The following CNGB1 variants were observed in gnomAD, a reference collection of about 807,000 sequenced individuals.
CNGB1 encodes the protein cyclic nucleotide gated channel subunit beta 1, also known as cyclic nucleotide-gated channel beta-1.
A neutral mutation model predicts 151.7 loss-of-function variants in CNGB1; 126 were observed. That is an observed-to-expected ratio of 0.83 (90% confidence interval 0.72 to 0.96). CNGB1 has a LOEUF of 0.96. CNGB1 is among the 40% of genes least tolerant of loss of function. The pLI, the probability that CNGB1 is intolerant of heterozygous loss-of-function variation, is 0.00. For missense variants in CNGB1, 1,698 were observed against 1,627.0 expected, an observed-to-expected ratio of 1.04 and a Z score of -0.75; for synonymous variants, 623 against 635.1, an observed-to-expected ratio of 0.98 and a Z score of 0.29.
At chr16:57,962,774 G>T (rs769489967) in intron 6 of CNGB1, 68 bp downstream of exon 6, 7 of 1,598,488 alleles carry the variant, frequency 4.4e-6, no homozygotes, top group Non-Finnish European at 6.0e-6. Flanking sequence ...AAGGGGCAGG[G>T]CCCATCCCAG....
intron 13 of CNGB1, 65 bp downstream of exon 13, chr16:57,950,316 G>C (rs1013932974): frequency 5.2e-5 from 83 of 1,580,982 alleles, no homozygotes; most frequent in Non-Finnish European, 6.8e-5. Flanking sequence ...TTGAGATAAG[G>C]TACTGCATGC....
At chr16:57,894,984 C>T (rs1960184251) in intron 31 of CNGB1, among the ~76,000 whole-genome samples, 1 of 152,144 alleles carries the variant, frequency 6.6e-6, no homozygotes, top group African/African-American at 2.4e-5. Context: ...CATATATACT[C>T]GGGCTAAACA....
intron 19 of CNGB1, 36 bp from the exon 20 acceptor site, chr16:57,919,290 C>T (rs200414821): frequency 6.2e-7 from 1 of 1,613,814 alleles, no homozygotes; most frequent in African/African-American, 1.3e-5. Context: ...TGAACCAGCC[C>T]TGAGGCCCAG....
intron 11 of CNGB1, among the ~76,000 whole-genome samples, chr16:57,957,944 C>T (rs1173850483): frequency 6.6e-6 from 1 of 152,150 alleles, no homozygotes; most frequent in East Asian, 1.9e-4. Flanking sequence ...GCCAGGTTCC[C>T]GGTTCTTGAG....
At position 57,931,773 on chromosome 16, in the gene CNGB1, G is replaced by A. The variant is rs148555948; in HGVS notation, c.1478C>T (p.Pro493Leu). ...AAGGGTGTCTGATTTGGCAGGAGACGGTGGCGGCAACACGGTTGAGGGTGG... is the reference window on the plus strand; with the variant it reads ...AAGGGTGTCTGATTTGGCAGGAGACAGTGGCGGCAACACGGTTGAGGGTGG... ...ENPPSTVLPP[P>L]SPAKSDTLIV... The change falls in exon 17 of 33, where the codon CCG becomes CTG. Residue 493 changes from proline (P) to leucine (L), a missense_variant. Physicochemically the swap from Pro to Leu is moderately conservative, Grantham distance 98. Coordinates refer to ENST00000251102, the MANE Select transcript of CNGB1 (RefSeq NM_001297.5). 75 of 1,614,170 alleles carry A rather than the reference G, an allele frequency of 4.6e-5. No individual in the cohort carries two copies. In the East Asian group the frequency reaches 5.6e-4, roughly 12 times the overall value.
At chr16:57,889,037 T>C (rs928178323) in intron 31 of CNGB1, among the ~76,000 whole-genome samples, 1 of 152,016 alleles carries the variant, frequency 6.6e-6, no homozygotes, top group Non-Finnish European at 1.5e-5. Context: ...TGAGGATGGG[T>C]GGGGTACGTG....
chr16:57,893,580 C>T (rs1567363745), intron 31 of CNGB1, among the ~76,000 whole-genome samples: 1 of 152,104 alleles, frequency 6.6e-6, no homozygotes, highest in Non-Finnish European at 1.5e-5. Flanking sequence ...GGCAGATCGC[C>T]TGAGGTCAGA....
At chr16:57,912,248 A>G (rs1960737378) in intron 24 of CNGB1, among the ~76,000 whole-genome samples, 1 of 152,154 alleles carries the variant, frequency 6.6e-6, no homozygotes, top group South Asian at 2.1e-4. Flanking sequence ...CTTGCACCTC[A>G]TGCTCAGACA....
In CNGB1 at chr16:57,959,999, G is replaced by A; in HGVS notation, c.650C>T (p.Thr217Ile). Reference sequence around the variant, plus strand: ...CTCCTTGGGCTGCAGGGGGATGGGTGTGGGCAGGGAGGGGGTCTCCCGGGC... The same window carrying A: ...CTCCTTGGGCTGCAGGGGGATGGGTATGGGCAGGGAGGGGGTCTCCCGGGC... Reference protein sequence around the residue: ...LQARETPSLPTPIPLQPKEEP... With the variant: ...LQARETPSLPIPIPLQPKEEP... Residue 217 changes from threonine to isoleucine, a missense_variant, in exon 10 of 33, where the codon ACA becomes ATA. Thr to Ile is a moderately conservative substitution (Grantham distance 89). Coordinates refer to ENST00000251102, the MANE Select transcript of CNGB1 (RefSeq NM_001297.5). 1 of 1,587,062 alleles carries A rather than the reference G, an allele frequency of 6.3e-7. No individual in the cohort carries two copies. Among genetic ancestry groups the A allele is most frequent in the Admixed American group, 1.8e-5 (1 of 55,566 alleles).
At chr16:57,916,703 G>T (rs1421988214) in intron 21 of CNGB1, among the ~76,000 whole-genome samples, 3 of 152,116 alleles carry the variant, frequency 2.0e-5, no homozygotes, top group African/African-American at 7.2e-5. Context: ...CACAGTCAGG[G>T]CCTCAGTTTC....
intron 17 of CNGB1, among the ~76,000 whole-genome samples, chr16:57,926,699 G>A (rs1242287092): frequency 6.6e-6 from 1 of 152,190 alleles, no homozygotes; most frequent in Non-Finnish European, 1.5e-5. Flanking sequence ...GCACACTGCC[G>A]CTGGATGCTG....
At chr16:57,942,960 T>C (rs890845158) in intron 14 of CNGB1, among the ~76,000 whole-genome samples, 7 of 151,822 alleles carry the variant, frequency 4.6e-5, no homozygotes, top group African/African-American at 1.5e-4. Flanking sequence ...GGAAAAACCC[T>C]ATGATATTGG....
intron 25 of CNGB1, among the ~76,000 whole-genome samples, chr16:57,905,331 C>T (rs1184226825): frequency 4.0e-5 from 6 of 151,702 alleles, no homozygotes; most frequent in Non-Finnish European, 8.8e-5. Flanking sequence ...CTTTTTCTGA[C>T]CCGCCCCTAC....
chr16:57,960,894 C>A lies in CNGB1; in HGVS notation c.480G>T (p.Leu160=). 1 of 1,614,156 alleles carries A rather than the reference C, an allele frequency of 6.2e-7. No homozygotes were observed. The highest frequency in any genetic ancestry group is 8.5e-7 in the Non-Finnish European group (1 of 1,180,018). Residue 160 remains leucine (L), a synonymous_variant, in exon 8 of 33, where the codon CTG becomes CTT. Coordinates refer to ENST00000251102, the MANE Select transcript of CNGB1 (RefSeq NM_001297.5). ...CTCTTTCCAGATTCTGCTCCAGCCA[C>A]AGAAGCAGCCGCAGCCCAGGCCTGC... ...QDTRPGLRLL[L]WLEQNLERVL...
At chr16:57,915,468 A>T (rs1960840148) in intron 22 of CNGB1, 133 bp from the exon 23 acceptor site, 3 of 736,014 alleles carry the variant, frequency 4.1e-6, no homozygotes, top group Middle Eastern at 6.4e-4. Context: ...TTAAAACTAG[A>T]GGGCAGAAGG....
intron 20 of CNGB1, 51 bp downstream of exon 20, chr16:57,919,048 C>G (rs1960955905): frequency 6.2e-7 from 1 of 1,613,642 alleles, no homozygotes; most frequent in Non-Finnish European, 8.5e-7. Flanking sequence ...CGCTCCAACT[C>G]TCCTGCTCTC....
chr16:57,918,000 A>C (rs777210942), intron 20 of CNGB1, among the ~76,000 whole-genome samples: 36 of 151,970 alleles, frequency 2.4e-4, no homozygotes, highest in Admixed American at 3.3e-4. Flanking sequence ...TAAATAATGC[A>C]TGAAGGATGG....
At chr16:57,929,871 C>T (rs1961298870) in intron 17 of CNGB1, among the ~76,000 whole-genome samples, 1 of 151,954 alleles carries the variant, frequency 6.6e-6, no homozygotes, top group South Asian at 2.1e-4. Flanking sequence ...CAGAGAAATG[C>T]AAATCAAAAC....
chr16:57,885,506 T>TTTCC (rs555069702), intron 32 of CNGB1, among the ~76,000 whole-genome samples: 2 of 149,614 alleles, frequency 1.3e-5, no homozygotes. Context: ...TCTTTCCTTC[T>TTTCC]TTCCTTCCTT....
Sources: allele counts gnomAD v4.1 joint callset (sites outside exome capture counted in the v4.1 genomes callset), GRCh38; gene constraint gnomAD v4.1.1; transcripts MANE v1.5; gene names NCBI Gene and HGNC (gene_info 2026-07-23, HGNC 2026-07-21).